EGLN2: variants seen among roughly 807,000 people sequenced by gnomAD.
EGLN2 encodes the protein prolyl hydroxylase EGLN2.
A neutral mutation model predicts 38.2 loss-of-function variants in EGLN2; 15 were observed. The ratio of observed to expected loss-of-function variants is 0.39; its 90% CI spans 0.26 to 0.60. EGLN2 has a LOEUF of 0.60. Among genes scored for constraint, EGLN2 ranks in the 20% least tolerant of loss-of-function variants. EGLN2 has a pLI of 0.50. For synonymous variants in EGLN2, 284 were observed against 237.4 expected, an observed-to-expected ratio of 1.20 and a Z score of -1.81; for missense variants, 492 against 570.4, an observed-to-expected ratio of 0.86 and a Z score of 1.40.
chr19:40,801,669 T>TTC (rs1443937651), intron 2 of EGLN2, among the ~76,000 whole-genome samples: 3 of 148,816 alleles, frequency 2.0e-5, no homozygotes, highest in African/African-American at 7.5e-5. Context: ...TTTTTTTTTT[T>TTC]TTTTCTTTTC....
chr19:40,806,988 G>C (rs2083308022), intron 3 of EGLN2, 150 bp from the exon 4 acceptor site: 6 of 1,238,954 alleles, frequency 4.8e-6, no homozygotes, highest in Non-Finnish European at 6.7e-6. Context: ...TGGTGATGCA[G>C]TCTCTGGGTT....
At chr19:40,802,878 C>T (rs1472595716) in intron 2 of EGLN2, among the ~76,000 whole-genome samples, 2 of 152,266 alleles carry the variant, frequency 1.3e-5, no homozygotes, top group African/African-American at 2.4e-5. Context: ...TGTCCTCTGC[C>T]TCCTCCTGCA....
intron 3 of EGLN2, 139 bp downstream of exon 3, chr19:40,806,813 G>T: frequency 1.6e-6 from 2 of 1,223,126 alleles, no homozygotes; most frequent in South Asian, 2.9e-5. Context: ...CGGGCAGTGC[G>T]ATCTGCCGGC....
intron 2 of EGLN2, among the ~76,000 whole-genome samples, chr19:40,802,510 G>T (rs73047085): frequency 0.14 from 20,764 of 152,262 alleles, 1,646 homozygotes; most frequent in Middle Eastern, 0.2. Context: ...AGTTCTTAAT[G>T]GTATTTTGGA....
Position 40,808,004 on chromosome 19 carries a change from T to G in EGLN2, c.*140T>G, listed in dbSNP as rs2083318478. ...TGCCTGGTGTGGAGGGCTCTGTCTG[T>G]TGCTGAGGACCAAGGAGGAGAAGAG... On this transcript the variant is annotated 3_prime_UTR_variant, in exon 6 of 6. Coordinates refer to ENST00000303961, the MANE Select transcript of EGLN2 (RefSeq NM_080732.4). 5 of 823,432 alleles carry G rather than the reference T, an allele frequency of 6.1e-6. No homozygotes were observed. 51.0% of individuals were successfully genotyped at this position (823,432 alleles called of 1,614,324 possible).
At chr19:40,807,648 C>T (rs576003805) in intron 5 of EGLN2, 97 bp downstream of exon 5, 5 of 1,480,858 alleles carry the variant, frequency 3.4e-6, no homozygotes, top group Non-Finnish European at 4.7e-6. Flanking sequence ...TAAATCCCAC[C>T]ACTCATTTTT....
intron 3 of EGLN2, 39 bp downstream of exon 3, chr19:40,806,713 A>C: frequency 6.8e-7 from 1 of 1,467,466 alleles, no homozygotes; most frequent in African/African-American, 1.4e-5. Context: ...CGCTGGGGCT[A>C]GGGCTGGGGC....
chr19:40,800,543 C>A lies in EGLN2; in HGVS notation c.-30C>A. On this transcript the variant is annotated 5_prime_UTR_variant, in exon 2 of 6. Transcript: ENST00000303961. ...GCACCATGGGCCCGGGCGGTGCCCT[C>A]CATGCCCGGGGGATGAAGACACTGC... 2 of 1,549,910 alleles carry A rather than the reference C, an allele frequency of 1.3e-6. No homozygotes were observed.
In EGLN2 at chr19:40,807,468, C is replaced by T. The variant is rs756663605; in HGVS notation, c.1101-16C>T. 19 of 1,613,868 alleles carry T rather than the reference C, an allele frequency of 1.2e-5. No individual in the cohort carries two copies. Among genetic ancestry groups the T allele is most frequent in the Non-Finnish European group, 1.5e-5 (18 of 1,179,952 alleles). ...GGAATTGCAGAAAACTAATGTCCAA[C>T]CACCCTGGTCTCCAGGTACGCCATC... On this transcript the variant is annotated splice_polypyrimidine_tract_variant and intron_variant, in intron 4 of 5. Transcript: ENST00000303961.
chr19:40,806,496 G>C, intron 2 of EGLN2, 59 bp from the exon 3 acceptor site: 2 of 1,603,980 alleles, frequency 1.2e-6, no homozygotes, highest in African/African-American at 1.3e-5. Flanking sequence ...ATTCATGGCT[G>C]CTTCTCTAAG....
intron 3 of EGLN2, 107 bp downstream of exon 3, chr19:40,806,781 T>G (rs2083304904): frequency 2.1e-6 from 3 of 1,460,206 alleles, no homozygotes; most frequent in Admixed American, 2.0e-5. Context: ...GGCATTCTCC[T>G]GTTTCTCTTC....
Position 40,800,967 on chromosome 19 carries a change from G to A in EGLN2, c.395G>A (p.Ser132Asn). Residue 132 changes from serine (S) to asparagine (N), a missense_variant, in exon 2 of 6, where the codon AGC becomes AAC. Ser to Asn is a conservative substitution (Grantham distance 46). Around this residue, in one of 2 missense-constraint regions of EGLN2, gnomAD observed 378 missense variants for 386.2 expected, o/e 0.98. Transcript: ENST00000303961. ...GATGGTGGGGATGCCCCTTCACCCA[G>A]CAAACGGCCCTGGGCCAGGCAAGAG... ...AEDGGDAPSPSKRPWARQENQ... is the reference protein window; with the variant it reads ...AEDGGDAPSPNKRPWARQENQ... The A allele has an allele frequency of 6.2e-7, 1 of 1,611,612 alleles. No individual in the cohort carries two copies. The highest frequency in any genetic ancestry group is 8.5e-7 in the Non-Finnish European group (1 of 1,179,226).
At position 40,801,035 on chromosome 19, in the gene EGLN2, A is replaced by C. The variant is rs1167258961; in HGVS notation, c.463A>C (p.Ser155Arg). The part of the protein sequence containing the change: ...EREGGMSCSC[S>R]SGSGEASAGL... ...GGAGGGTGGCATGAGCTGCAGCTGC[A>C]GCAGTGGCAGTGGTGAGGCCAGTGC... The change falls in exon 2 of 6, where the codon AGC (serine) becomes CGC (arginine). Residue 155 changes from serine (S) to arginine (R), a missense_variant. By Grantham distance (110) the Ser-to-Arg change is moderately radical. Transcript: ENST00000303961. 6.2e-7 allele frequency: 1 copy of C among 1,613,132 alleles called. No homozygotes were observed. Among genetic ancestry groups the C allele is most frequent in the Non-Finnish European group, 8.5e-7 (1 of 1,179,858 alleles).
At chr19:40,801,438 T>G in intron 2 of EGLN2, 23 bp downstream of exon 2, 1 of 1,588,832 alleles carries the variant, frequency 6.3e-7, no homozygotes, top group South Asian at 1.1e-5. Flanking sequence ...GGGGGCCTCT[T>G]TGGAGGGGCT....
chr19:40,807,712 C>T (rs1323614912), intron 5 of EGLN2, 97 bp from the exon 6 acceptor site: 12 of 1,444,684 alleles, frequency 8.3e-6, no homozygotes, highest in Non-Finnish European at 1.2e-5. Context: ...CAACAGGAGC[C>T]CCATTTCTTC....
rs1343107140 is a variant in EGLN2, at chr19:40,807,834, A to C, written c.1194A>C (p.Val398=). ...QLASGQKGVQ[V]PVSQPPTPT ...CATCAGGACAGAAAGGTGTCCAAGTACCTGTATCACAGCCGCCTACGCCCA... is the reference window on the plus strand; with the variant it reads ...CATCAGGACAGAAAGGTGTCCAAGTCCCTGTATCACAGCCGCCTACGCCCA... The change falls in exon 6 of 6, where the codon GTA becomes GTC. Residue 398 remains valine (V), a synonymous_variant. Coordinates refer to ENST00000303961, the MANE Select transcript of EGLN2 (RefSeq NM_080732.4). 8.7e-6 allele frequency: 14 copies of C among 1,613,954 alleles called. No homozygotes were observed. The Middle Eastern group carries it at 1.2e-3, about 133-fold the overall frequency.
chr19:40,802,016 A>T (rs1315068504), intron 2 of EGLN2, among the ~76,000 whole-genome samples: 3 of 152,200 alleles, frequency 2.0e-5, no homozygotes, highest in Middle Eastern at 3.4e-3. Flanking sequence ...CCCCAGACCA[A>T]GCACGGGGAT....
intron 2 of EGLN2, chr19:40,806,228 A>G (rs1348341712): frequency 3.1e-6 from 1 of 321,238 alleles, no homozygotes; most frequent in Non-Finnish European, 6.0e-6. Context: ...GTATTATTCT[A>G]CTGAAATGGC....
chr19:40,805,071 G>A (rs1011972947), intron 2 of EGLN2: 2 of 152,372 alleles, frequency 1.3e-5, no homozygotes, highest in Non-Finnish European at 2.9e-5. Flanking sequence ...TGTGGCGTGC[G>A]TGCTTGGCAA....
Sources: allele counts gnomAD v4.1 joint callset (sites outside exome capture counted in the v4.1 genomes callset), GRCh38; gene constraint gnomAD v4.1.1; regional missense constraint gnomAD v4.1.1; transcripts MANE v1.5; gene names NCBI Gene and HGNC (gene_info 2026-07-23, HGNC 2026-07-21).